The following FBXW11 variants were observed in gnomAD, a reference collection of about 807,000 sequenced individuals.
The protein encoded by FBXW11 is F-box/WD repeat-containing protein 11.
Under a neutral mutation model 77.6 loss-of-function variants are expected in FBXW11, and 19 were observed. The ratio of observed to expected loss-of-function variants is 0.24; its 90% CI spans 0.17 to 0.36. The LOEUF (loss-of-function observed/expected upper bound fraction) is 0.36, where lower values mean the gene tolerates loss of function less well. FBXW11 is among the 10% of genes least tolerant of loss of function. The probability of loss-of-function intolerance (pLI) is 1.00; values close to 1 mark genes in which losing one functional copy is unlikely to be tolerated. For missense variants in FBXW11, 334 were observed against 704.2 expected (o/e 0.47, Z 5.95); for synonymous variants, 235 against 249.4 (o/e 0.94, Z 0.54).
chr5:171,913,807 CCACACACACATACA>C lies in FBXW11; in HGVS notation c.210+522_210+535del, dbSNP rs1554099733. On this transcript the variant is annotated intron_variant, in intron 3 of 13. Coordinates refer to ENST00000517395, the MANE Select transcript of FBXW11 (RefSeq NM_001378974.1). ...CTTTGCTTGCTCCCCAAACCCCCAA[CCACACACACATACA>C]CACACACACACACACACACACACAC... is the stretch of plus-strand genomic sequence containing the variant. 6.4e-3 allele frequency among the ~76,000 whole-genome samples: 624 copies of C among 97,894 alleles called. 7 individuals carry two copies. The highest frequency in any genetic ancestry group is 9.1e-3 in the Non-Finnish European group (409 of 45,016). The allele number at this position is 97,894 out of a possible 152,430, so 64.2% of individuals were successfully genotyped here.
At position 171,904,965 on chromosome 5, in the gene FBXW11, TC is replaced by T. The variant is rs769722392; in HGVS notation, c.437-4866del. The stretch of plus-strand genomic sequence containing the variant: ...GATATCCCTTTTAGTCCTCTTTGAT[TC>T]CCCCATCAATTGCTCACAACTAGGC... On this transcript the variant is annotated intron_variant, in intron 4 of 13. Coordinates refer to ENST00000517395, the MANE Select transcript of FBXW11 (RefSeq NM_001378974.1). This position sits in a 1 kb window ranked among gnomAD's most constrained non-coding sequence, Gnocchi z 4.0. Among the ~76,000 whole-genome samples the T allele has an allele frequency of 1.1e-4, 16 of 152,216 alleles. No homozygotes were observed. In the East Asian group the frequency reaches 2.5e-3, roughly 24 times the overall value.
intron 7 of FBXW11, among the ~76,000 whole-genome samples, chr5:171,886,744 T>C (rs1758924136): frequency 6.6e-6 from 1 of 152,194 alleles, no homozygotes; most frequent in South Asian, 2.1e-4. Context: ...CCAGGAGCAG[T>C]GGCTTACACC....
chr5:171,904,722 C>G lies in FBXW11; in HGVS notation c.437-4622G>C, dbSNP rs1760361607. 6.6e-6 allele frequency among the ~76,000 whole-genome samples: 1 copy of G among 152,096 alleles called. No homozygotes were observed. Among genetic ancestry groups the G allele is most frequent in the Non-Finnish European group, 1.5e-5 (1 of 68,014 alleles). On this transcript the variant is annotated intron_variant, in intron 4 of 13. Coordinates refer to ENST00000517395, the MANE Select transcript of FBXW11 (RefSeq NM_001378974.1). The surrounding 1 kb of genome is among the most constrained non-coding windows in gnomAD (Gnocchi z 4.0). ...GAGTAGCTGGGACTACAGGCGCACA[C>G]CACCATGCCCAGGTAATTTTTGTAT...
At chr5:171,989,668 T>C (rs1309323176) in intron 1 of FBXW11, among the ~76,000 whole-genome samples, 1 of 152,250 alleles carries the variant, frequency 6.6e-6, no homozygotes, top group African/African-American at 2.4e-5. Context: ...GTAAAGGAAC[T>C]GTTCTTAAAA....
chr5:171,924,136 C>G (rs1006581014), intron 2 of FBXW11, among the ~76,000 whole-genome samples: 1 of 151,704 alleles, frequency 6.6e-6, no homozygotes, highest in African/African-American at 2.4e-5. Flanking sequence ...GTTGGCCAGG[C>G]TGGTCTTGAA....
intron 2 of FBXW11, among the ~76,000 whole-genome samples, chr5:171,915,613 C>CTGTGTGTGTGTGTGTG (rs200618306): frequency 0.048 from 6,179 of 129,434 alleles, 254 homozygotes; most frequent in South Asian, 0.061. Flanking sequence ...GTCACTCATT[C>CTGTGTGTGTGTGTGTG]TGTGTGTGTG....
intron 4 of FBXW11, among the ~76,000 whole-genome samples, chr5:171,907,371 G>C (rs1760593729): frequency 6.6e-6 from 1 of 152,118 alleles, no homozygotes. Flanking sequence ...ATGATGTACA[G>C]TAAAAATGAA....
chr5:171,880,485 T>C (rs1057157952), intron 7 of FBXW11, among the ~76,000 whole-genome samples: 3 of 152,204 alleles, frequency 2.0e-5, no homozygotes, highest in African/African-American at 7.2e-5. Context: ...GGGATTTTGA[T>C]TGAGACTGCA....
chr5:171,910,056 G>T (rs943829634), intron 4 of FBXW11, among the ~76,000 whole-genome samples: 7 of 132,544 alleles, frequency 5.3e-5, no homozygotes, highest in African/African-American at 1.4e-4. Context: ...GACCAATAAT[G>T]AACACTTTTT....
intron 1 of FBXW11, among the ~76,000 whole-genome samples, chr5:171,997,456 CGA>C (rs1554110873): frequency 1.3e-5 from 2 of 152,196 alleles, no homozygotes; most frequent in Non-Finnish European, 2.9e-5. Flanking sequence ...AAGAATGATA[CGA>C]GAGGGCTCAA....
At chr5:171,915,650 T>TGA (rs1554100078) in intron 2 of FBXW11, among the ~76,000 whole-genome samples, 13 of 151,214 alleles carry the variant, frequency 8.6e-5, no homozygotes, top group African/African-American at 3.2e-4. Context: ...TGTGTGTGTG[T>TGA]GAGCCTGAGC....
intron 2 of FBXW11, among the ~76,000 whole-genome samples, chr5:171,938,688 G>A (rs1762598795): frequency 6.6e-6 from 1 of 152,044 alleles, no homozygotes; most frequent in Non-Finnish European, 1.5e-5. Flanking sequence ...GTAACAATAT[G>A]AAAATACATA....
rs1457545819 is a variant in FBXW11, at chr5:171,868,675, G to A, written c.1652C>T (p.Thr551Ile). The A allele has an allele frequency of 6.2e-7, 1 of 1,613,774 alleles. No homozygotes were observed. Residue 551 changes from threonine (T) to isoleucine (I), a missense_variant, in exon 13 of 14, where the codon ACC becomes ATC. Coordinates refer to ENST00000517395, the MANE Select transcript of FBXW11 (RefSeq NM_001378974.1). Reference sequence around the variant, plus strand: ...AGTGTATGTTCTGGAGGGAGAACGGGTCTCATTCTGGGCACTGGGAGGCAC... The same window carrying A: ...AGTGTATGTTCTGGAGGGAGAACGGATCTCATTCTGGGCACTGGGAGGCAC... ...LNVPPSAQNE[T>I]RSPSRTYTYI...
chr5:171,966,887 C>CA (rs1764221212), intron 1 of FBXW11, among the ~76,000 whole-genome samples: 2 of 152,222 alleles, frequency 1.3e-5, no homozygotes, highest in Admixed American at 1.3e-4. Flanking sequence ...CATTAACTCT[C>CA]ATACCACCTC....
chr5:171,867,166 CA>C (rs1757452432), intron 13 of FBXW11, among the ~76,000 whole-genome samples: 1 of 152,136 alleles, frequency 6.6e-6, no homozygotes, highest in African/African-American at 2.4e-5. Context: ...ATAGATGGAG[CA>C]GGGGCAAGAC....
intron 10 of FBXW11, among the ~76,000 whole-genome samples, chr5:171,871,955 GA>G (rs1213633527): frequency 3.9e-5 from 6 of 152,130 alleles, no homozygotes; most frequent in Non-Finnish European, 7.4e-5. Context: ...GTTTATTGAT[GA>G]AACATTAAGC....
chr5:171,931,076 T>C (rs942364905), intron 2 of FBXW11, among the ~76,000 whole-genome samples: 1 of 152,220 alleles, frequency 6.6e-6, no homozygotes, highest in Non-Finnish European at 1.5e-5. Context: ...GAAGATTCAA[T>C]AAGGTCAAGA....
chr5:171,988,146 A>G (rs1426314466), intron 1 of FBXW11, among the ~76,000 whole-genome samples: 1 of 152,150 alleles, frequency 6.6e-6, no homozygotes, highest in African/African-American at 2.4e-5. Context: ...CTTTTTAAAC[A>G]TATTTCTTAG....
At chr5:171,925,227 T>C (rs991178244) in intron 2 of FBXW11, among the ~76,000 whole-genome samples, 1 of 152,194 alleles carries the variant, frequency 6.6e-6, no homozygotes, top group Non-Finnish European at 1.5e-5. Context: ...ATTTCTTACA[T>C]TGAAAACCCC....
Sources: allele counts gnomAD v4.1 joint callset (sites outside exome capture counted in the v4.1 genomes callset), GRCh38; gene constraint gnomAD v4.1.1; non-coding constraint Gnocchi (gnomAD v3.1); transcripts MANE v1.5; gene names NCBI Gene and HGNC (gene_info 2026-07-23, HGNC 2026-07-21).